The following TDP1 variants were observed in gnomAD, a reference collection of about 807,000 sequenced individuals.
The protein encoded by TDP1 is tyrosyl-DNA phosphodiesterase 1, also known as tyr-DNA phosphodiesterase 1.
A neutral mutation model predicts 81.5 loss-of-function variants in TDP1; 64 were observed. That is an observed-to-expected ratio of 0.79 (90% CI 0.64 to 0.97). TDP1 has a LOEUF of 0.97. Among genes scored for constraint, TDP1 ranks in the 50% least tolerant of loss-of-function variants. The pLI is 0.00. For synonymous variants in TDP1, 256 were observed against 264.3 expected (o/e 0.97, Z 0.30); for missense variants, 723 against 743.8 (o/e 0.97, Z 0.33).
chr14:89,991,817 T>C, intron 12 of TDP1, 100 bp from the exon 13 acceptor site: 1 of 1,312,302 alleles, frequency 7.6e-7, no homozygotes, highest in Admixed American at 2.3e-5. Context: ...AGTAGTTTTT[T>C]TCCTGTTACC....
intron 7 of TDP1, 183 bp from the exon 8 acceptor site, chr14:89,980,357 A>G (rs1303173873): frequency 1.0e-6 from 1 of 965,930 alleles, no homozygotes. Flanking sequence ...AAAGGTTTTC[A>G]TCCTATCACT....
intron 3 of TDP1, among the ~76,000 whole-genome samples, chr14:89,965,533 G>C (rs1228894655): frequency 6.6e-6 from 1 of 152,202 alleles, no homozygotes; most frequent in East Asian, 1.9e-4. Flanking sequence ...AGGTCACGAT[G>C]ATGGTGTACT....
intron 10 of TDP1, among the ~76,000 whole-genome samples, chr14:89,986,021 C>T (rs910521247): frequency 3.3e-5 from 5 of 152,122 alleles, no homozygotes; most frequent in Admixed American, 6.5e-5. Flanking sequence ...AGCGAGACTC[C>T]GTCTCAAAAA....
intron 16 of TDP1, among the ~76,000 whole-genome samples, chr14:90,035,375 T>G (rs1399584080): frequency 6.6e-6 from 1 of 152,130 alleles, no homozygotes; most frequent in African/African-American, 2.4e-5. Flanking sequence ...ATTTCTTGTG[T>G]ATTCATGCAT....
At chr14:90,022,268 G>A (rs1315802273) in intron 15 of TDP1, among the ~76,000 whole-genome samples, 1 of 152,232 alleles carries the variant, frequency 6.6e-6, no homozygotes, top group Non-Finnish European at 1.5e-5. Flanking sequence ...ACCAATTTGT[G>A]CCCACAGAAG....
At chr14:89,996,087 T>G (rs540229497) in intron 14 of TDP1, among the ~76,000 whole-genome samples, 1 of 152,306 alleles carries the variant, frequency 6.6e-6, no homozygotes, top group African/African-American at 2.4e-5. Flanking sequence ...AATTACCAGG[T>G]CAGAAACTTA....
chr14:90,028,178 G>T (rs888917968), intron 15 of TDP1, among the ~76,000 whole-genome samples: 3 of 152,170 alleles, frequency 2.0e-5, no homozygotes, highest in Non-Finnish European at 4.4e-5. Context: ...ATACTGCCTT[G>T]CAGGAAAGAT....
At chr14:89,989,435 A>G (rs572598034) in intron 11 of TDP1, 6 of 983,760 alleles carry the variant, frequency 6.1e-6, no homozygotes, top group Non-Finnish European at 7.2e-6. Context: ...CATTTTAATT[A>G]TTTAGAGAAC....
intron 2 of TDP1, among the ~76,000 whole-genome samples, chr14:89,961,940 G>A (rs1892376513): frequency 6.6e-6 from 1 of 152,152 alleles, no homozygotes; most frequent in Non-Finnish European, 1.5e-5. Flanking sequence ...TGGGTCTTGT[G>A]CTAAAATGTT....
intron 14 of TDP1, among the ~76,000 whole-genome samples, chr14:90,007,346 T>A (rs1228728797): frequency 5.3e-5 from 8 of 152,130 alleles, no homozygotes; most frequent in Admixed American, 5.2e-4. Context: ...CCCAGCACTT[T>A]AGGAAGCCAA....
At chr14:89,987,696 GAGGCAGTCCCCTGGT>G (rs1321471283) in intron 10 of TDP1, among the ~76,000 whole-genome samples, 1 of 152,058 alleles carries the variant, frequency 6.6e-6, no homozygotes, top group Non-Finnish European at 1.5e-5. Context: ...GCTGTCCCTC[GAGGCAGTCCCCTGGT>G]GGGAGAAAGT....
intron 14 of TDP1, among the ~76,000 whole-genome samples, chr14:89,998,011 C>A (rs1285666772): frequency 6.6e-6 from 1 of 151,950 alleles, no homozygotes; most frequent in African/African-American, 2.4e-5. Flanking sequence ...GTGGTAAGTG[C>A]TATAGAGAAA....
chr14:89,991,449 ATTTACT>A, intron 12 of TDP1: 4 of 583,448 alleles, frequency 6.9e-6, no homozygotes, highest in Non-Finnish European at 8.6e-6. Context: ...CAATGAGGTA[ATTTACT>A]TTTATTCTCG....
At chr14:90,022,946 C>T (rs1461801116) in intron 15 of TDP1, 1 of 724,780 alleles carries the variant, frequency 1.4e-6, no homozygotes, top group East Asian at 2.6e-5. Flanking sequence ...ACCCCAGGCT[C>T]CTACCTGGAC....
intron 14 of TDP1, among the ~76,000 whole-genome samples, chr14:90,009,551 G>A (rs896455394): frequency 6.6e-6 from 1 of 152,108 alleles, no homozygotes; most frequent in African/African-American, 2.4e-5. Context: ...AGTGGTTTGG[G>A]GAAAAGTCTT....
intron 15 of TDP1, 103 bp from the exon 16 acceptor site, chr14:90,033,003 T>C (rs1262202905): frequency 5.1e-6 from 6 of 1,171,366 alleles, no homozygotes; most frequent in Non-Finnish European, 7.3e-6. Context: ...TTGAATTTTA[T>C]TTAGGTACCA....
At chr14:90,019,145 GA>G (rs1885667645) in intron 14 of TDP1, 170 bp from the exon 15 acceptor site, 6 of 935,106 alleles carry the variant, frequency 6.4e-6, no homozygotes, top group Admixed American at 6.2e-5. Context: ...GAGGATTAGA[GA>G]ACAGCAGATT....
chr14:90,044,076 G>C lies in TDP1; in HGVS notation c.*933G>C, dbSNP rs558309004. The C allele has an allele frequency of 2.6e-5, 4 of 152,362 alleles. No homozygotes were observed. The highest frequency in any genetic ancestry group is 9.6e-5 in the African/African-American group (4 of 41,532). The allele number at this position is 152,362 out of a possible 1,614,324, so 9.4% of individuals were successfully genotyped here. On this transcript the variant is annotated 3_prime_UTR_variant, in exon 17 of 17. Coordinates refer to ENST00000335725, the MANE Select transcript of TDP1 (RefSeq NM_018319.4). Reference sequence around the variant, plus strand: ...TCATAGCTTTCAGCTTCAGCTTTACGAGGCTTCTCCTCTCTCCCTGGCACC... The same window carrying C: ...TCATAGCTTTCAGCTTCAGCTTTACCAGGCTTCTCCTCTCTCCCTGGCACC...
chr14:89,994,952 A>G (rs979963317), intron 14 of TDP1, among the ~76,000 whole-genome samples: 3 of 152,220 alleles, frequency 2.0e-5, no homozygotes, highest in African/African-American at 7.2e-5. Context: ...TACCTTTGGC[A>G]TGTATTTTCT....
Sources: gnomAD v4.1 joint callset for allele counts (sites outside exome capture counted in the v4.1 genomes callset) on GRCh38, gnomAD v4.1.1 for gene constraint, MANE v1.5 for transcripts, NCBI Gene and HGNC (gene_info 2026-07-23, HGNC 2026-07-21) for gene names.